WDR49: variants seen among roughly 807,000 people sequenced by gnomAD.
The protein encoded by WDR49 is cilia- and flagella-associated protein 337.
A neutral mutation model predicts 119.5 loss-of-function variants in WDR49; 107 were observed. The observed-to-expected ratio is 0.90, with a 90% CI of 0.77 to 1.05. The LOEUF (loss-of-function observed/expected upper bound fraction) is 1.05, where lower values mean the gene tolerates loss of function less well. WDR49 is among the 50% of genes least tolerant of loss of function. The pLI is 0.00. For synonymous variants in WDR49, 425 were observed against 418.8 expected, an observed-to-expected ratio of 1.01 and a Z score of -0.18; for missense variants, 1,240 against 1,220.5, an observed-to-expected ratio of 1.02 and a Z score of -0.24.
At chr3:167,657,448 C>G (rs905519369), upstream of WDR49, among the ~76,000 whole-genome samples, 2 of 152,022 alleles carry the variant, frequency 1.3e-5, no homozygotes, top group African/African-American at 4.8e-5. Context: ...AAATGAGATA[C>G]ATCTCTATGC....
At chr3:167,616,556 G>C (rs1416665315) in intron 5 of WDR49, among the ~76,000 whole-genome samples, 1 of 152,004 alleles carries the variant, frequency 6.6e-6, no homozygotes, top group Non-Finnish European at 1.5e-5. Context: ...ATTAGCGTTA[G>C]AGGACCATGA....
At chr3:167,518,213 T>C (rs1196064534) in intron 16 of WDR49, among the ~76,000 whole-genome samples, 1 of 151,972 alleles carries the variant, frequency 6.6e-6, no homozygotes, top group African/African-American at 2.4e-5. Context: ...TGTGTCTTTA[T>C]AGCAGCATGA....
intron 8 of WDR49, among the ~76,000 whole-genome samples, chr3:167,569,452 G>C (rs1411368582): frequency 6.6e-6 from 1 of 151,734 alleles, no homozygotes; most frequent in Non-Finnish European, 1.5e-5. Flanking sequence ...ATATTTTCTT[G>C]ATTTTTTTAT....
intron 8 of WDR49, among the ~76,000 whole-genome samples, chr3:167,573,762 C>T (rs1305084251): frequency 1.3e-5 from 2 of 152,184 alleles, no homozygotes; most frequent in Non-Finnish European, 1.5e-5. Context: ...GTTTCCAAGA[C>T]CAGACAGTGA....
intron 5 of WDR49, 56 bp downstream of exon 5, chr3:167,620,373 A>G (rs567654272): frequency 5.6e-5 from 80 of 1,433,160 alleles, no homozygotes; most frequent in Middle Eastern, 5.4e-4. Context: ...ATCAAAGAAT[A>G]TAAATGTACA....
intron 18 of WDR49, among the ~76,000 whole-genome samples, chr3:167,489,631 T>C (rs555067773): frequency 2.6e-5 from 4 of 152,118 alleles, no homozygotes; most frequent in Non-Finnish European, 5.9e-5. Flanking sequence ...TATAATAAAA[T>C]GATTCAAGGA....
At chr3:167,565,904 T>A (rs1390853734) in intron 8 of WDR49, among the ~76,000 whole-genome samples, 1 of 152,228 alleles carries the variant, frequency 6.6e-6, no homozygotes, top group Non-Finnish European at 1.5e-5. Flanking sequence ...CTTTATTTCA[T>A]GTATCTTTAT....
chr3:167,571,788 T>A (rs1356186890), intron 8 of WDR49, among the ~76,000 whole-genome samples: 1 of 152,234 alleles, frequency 6.6e-6, no homozygotes, highest in Admixed American at 6.5e-5. Flanking sequence ...AATAATCATG[T>A]AACATTTTGC....
rs1209931521 is a variant in WDR49 at position 167,478,828 on chromosome 3, T to C, written c.*50A>G. 4 of 1,267,718 alleles carry C rather than the reference T, an allele frequency of 3.2e-6. No homozygotes were observed. The highest frequency in any genetic ancestry group is 1.4e-5 in the South Asian group (1 of 69,498). The allele number at this position is 1,267,718 out of a possible 1,614,324, so 78.5% of individuals were successfully genotyped here. On this transcript the variant is annotated 3_prime_UTR_variant, in exon 19 of 19. Transcript: ENST00000682715. ...AAGGCAGAATTCTTGATGCTTTTTC[T>C]GCATTTTATATCTGTACCTTATGTA...
intron 14 of WDR49, among the ~76,000 whole-genome samples, chr3:167,528,844 A>C (rs1457508504): frequency 6.6e-6 from 1 of 152,138 alleles, no homozygotes; most frequent in African/African-American, 2.4e-5. Flanking sequence ...ACTTAACAGA[A>C]GGTTGTCAAT....
At chr3:167,591,223 A>G (rs764623376) in intron 7 of WDR49, among the ~76,000 whole-genome samples, 42 of 152,068 alleles carry the variant, frequency 2.8e-4, no homozygotes, top group Non-Finnish European at 2.1e-4. Flanking sequence ...TTTCAAAATT[A>G]CTCTTGTTAT....
chr3:167,591,697 T>A (rs1481399427), intron 7 of WDR49, among the ~76,000 whole-genome samples: 1 of 152,164 alleles, frequency 6.6e-6, no homozygotes, highest in Non-Finnish European at 1.5e-5. Context: ...ATCTATTTTG[T>A]CTGATATGAA....
At chr3:167,518,044 C>A (rs1465589006) in intron 16 of WDR49, among the ~76,000 whole-genome samples, 18 of 152,108 alleles carry the variant, frequency 1.2e-4, no homozygotes, top group Non-Finnish European at 2.9e-5. Context: ...TCATCCATGT[C>A]CCTGAAAAGG....
chr3:167,511,478 G>A (rs963343040), intron 16 of WDR49, among the ~76,000 whole-genome samples: 8 of 152,082 alleles, frequency 5.3e-5, no homozygotes, highest in Admixed American at 6.5e-5. Context: ...TATTTAATCT[G>A]GTAGACAACA....
chr3:167,508,067 G>T (rs879941981), intron 16 of WDR49, among the ~76,000 whole-genome samples: 43 of 152,270 alleles, frequency 2.8e-4, no homozygotes, highest in Non-Finnish European at 5.1e-4. Context: ...AATCCTATGA[G>T]GAGGAAAGGC....
intron 10 of WDR49, among the ~76,000 whole-genome samples, chr3:167,540,194 T>G (rs1711697925): frequency 6.6e-6 from 1 of 152,224 alleles, no homozygotes; most frequent in South Asian, 2.1e-4. Context: ...TGGTCCTGAG[T>G]CTGTCCATGT....
chr3:167,602,881 C>T (rs1715850879), intron 6 of WDR49, among the ~76,000 whole-genome samples: 2 of 152,010 alleles, frequency 1.3e-5, no homozygotes, highest in South Asian at 4.1e-4. Context: ...TTACAGTTGC[C>T]TATAGTATTT....
intron 7 of WDR49, among the ~76,000 whole-genome samples, 167 bp downstream of exon 7, chr3:167,601,960 C>G (rs73173055): frequency 0.047 from 7,173 of 152,182 alleles, 247 homozygotes; most frequent in South Asian, 0.062. Flanking sequence ...TGTTAAGTAA[C>G]CATCAACCAA....
At chr3:167,532,226 G>A in intron 12 of WDR49, among the ~76,000 whole-genome samples, 1 of 152,014 alleles carries the variant, frequency 6.6e-6, no homozygotes, top group East Asian at 1.9e-4. Context: ...ATTCAGTTGA[G>A]ACAACAGAAC....
Sources: gnomAD v4.1 joint callset for allele counts (sites outside exome capture counted in the v4.1 genomes callset) on GRCh38, gnomAD v4.1.1 for gene constraint, MANE v1.5 for transcripts, NCBI Gene and HGNC (gene_info 2026-07-23, HGNC 2026-07-21) for gene names.